Variants in ATP8B1 observed in about 807,000 individuals in gnomAD.
The protein encoded by ATP8B1 is ATPase phospholipid transporting 8B1.
In ATP8B1, 80 loss-of-function variants were observed where a neutral mutation model predicts 149.9. The ratio of observed to expected loss-of-function variants is 0.53; its 90% confidence interval spans 0.45 to 0.64. The LOEUF (loss-of-function observed/expected upper bound fraction) is 0.64. ATP8B1 is among the 30% of genes least tolerant of loss of function. The probability of loss-of-function intolerance (pLI) is 0.00; values close to 1 mark genes in which losing one functional copy is unlikely to be tolerated. For missense variants in ATP8B1, 1,247 were observed against 1,552.6 expected, an observed-to-expected ratio of 0.80 and a Z score of 3.31; for synonymous variants, 536 against 562.8, an observed-to-expected ratio of 0.95 and a Z score of 0.67.
At position 57,650,397 on chromosome 18, in the gene ATP8B1, T is replaced by G; in HGVS notation, c.3501A>C (p.Ser1167=). The part of the protein sequence containing the change: ...LLPVVAIRFL[S]MTIWPSESDK... Reference sequence around the variant, plus strand: ...CACTTTCTGATGGCCAGATGGTCATTGACAGGAATCGAATGGCAACGACGG... The same window carrying G: ...CACTTTCTGATGGCCAGATGGTCATGGACAGGAATCGAATGGCAACGACGG... Residue 1167 remains serine, a synonymous_variant, in exon 27 of 28, where the codon TCA becomes TCC. Coordinates refer to ENST00000648908, the MANE Select transcript of ATP8B1 (RefSeq NM_001374385.1). 6.2e-7 allele frequency: 1 copy of G among 1,613,896 alleles called. No homozygotes were observed. The highest frequency in any genetic ancestry group is 8.5e-7 in the Non-Finnish European group (1 of 1,179,860).
In ATP8B1 at chr18:57,668,554, T is replaced by TTAA; in HGVS notation, c.2098-15_2098-14insTTA. ...AGCTCCCAGGAGCTAGAATGTATAT[T>TTAA]AAAAAAAAAAAAAAAAGGAATTAGC... is the stretch of plus-strand genomic sequence containing the variant. On this transcript the variant is annotated splice_polypyrimidine_tract_variant and intron_variant, in intron 18 of 27. Transcript: ENST00000648908. 6.2e-6 allele frequency: 4 copies of TTAA among 643,504 alleles called. No individual in the cohort carries two copies. Among genetic ancestry groups the TTAA allele is most frequent in the South Asian group, 2.3e-5 (1 of 43,892 alleles). 39.9% of individuals were successfully genotyped at this position (643,504 alleles called of 1,614,324 possible).
chr18:57,727,787 A>G (rs900230852), intron 2 of ATP8B1, among the ~76,000 whole-genome samples: 4 of 152,168 alleles, frequency 2.6e-5, no homozygotes, highest in Admixed American at 2.6e-4. Flanking sequence ...ACTCCATCTC[A>G]AAACAAAAAC....
At chr18:57,697,052 G>C (rs566500676) in intron 8 of ATP8B1, among the ~76,000 whole-genome samples, 9 of 152,132 alleles carry the variant, frequency 5.9e-5, no homozygotes, top group Non-Finnish European at 1.3e-4. Context: ...CTTGAGATCA[G>C]GAGTTCGAGA....
chr18:57,738,487 T>A (rs559279827), intron 1 of ATP8B1, among the ~76,000 whole-genome samples: 1 of 152,202 alleles, frequency 6.6e-6, no homozygotes, highest in South Asian at 2.1e-4. Context: ...TAGCTGGGCA[T>A]GGTGGCACAT....
intron 15 of ATP8B1, among the ~76,000 whole-genome samples, chr18:57,682,739 T>G (rs1053337607): frequency 1.3e-5 from 2 of 152,180 alleles, no homozygotes; most frequent in Admixed American, 1.3e-4. Context: ...TAATCTGAAC[T>G]CTGTTACCTT....
intron 12 of ATP8B1, among the ~76,000 whole-genome samples, chr18:57,688,825 T>C (rs1912387899): frequency 6.6e-6 from 1 of 152,164 alleles, no homozygotes. Context: ...CGGCTGTGCC[T>C]ATAAAGCAGA....
At chr18:57,656,573 C>G (rs1050107197) in intron 22 of ATP8B1, among the ~76,000 whole-genome samples, 2 of 151,872 alleles carry the variant, frequency 1.3e-5, no homozygotes, top group Non-Finnish European at 2.9e-5. Context: ...GACGGGGTTT[C>G]ACCATGTTGT....
intron 8 of ATP8B1, among the ~76,000 whole-genome samples, chr18:57,696,545 G>A (rs1481693516): frequency 4.1e-4 from 10 of 24,290 alleles, no homozygotes; most frequent in South Asian, 3.8e-3. Context: ...ATTTTTTTCC[G>A]CCAAAAAAAA....
intron 4 of ATP8B1, among the ~76,000 whole-genome samples, chr18:57,702,292 C>T (rs1913167134): frequency 6.6e-6 from 1 of 152,218 alleles, no homozygotes; most frequent in African/African-American, 2.4e-5. Flanking sequence ...TCATAACCAT[C>T]CTCCTGATCA....
chr18:57,730,083 A>G (rs1390242918), intron 2 of ATP8B1, among the ~76,000 whole-genome samples: 1 of 152,174 alleles, frequency 6.6e-6, no homozygotes, highest in Non-Finnish European at 1.5e-5. Context: ...TGCACTCCCC[A>G]CACTGAGAAT....
At chr18:57,766,475 G>T (rs186221954) in intron 1 of ATP8B1, among the ~76,000 whole-genome samples, 4 of 152,292 alleles carry the variant, frequency 2.6e-5, no homozygotes, top group Admixed American at 2.6e-4. Context: ...ATCTAGCCAG[G>T]CAGTGTGCTA....
In ATP8B1 at chr18:57,671,564, G is replaced by A. The variant is rs1334562171; in HGVS notation, c.1836C>T (p.Gly612=). The change falls in exon 17 of 28, where the codon GGC becomes GGT. Residue 612 remains glycine (G), a synonymous_variant. Transcript: ENST00000648908. The part of the protein sequence containing the change: ...RMSIIVRTPE[G]NIKLYCKGAD... Reference sequence around the variant, plus strand: ...CACCTTTACAGTAAAGCTTGATATTGCCTTCTGGGGTTCTTACTGGTAGTA... The same window carrying A: ...CACCTTTACAGTAAAGCTTGATATTACCTTCTGGGGTTCTTACTGGTAGTA... 6.2e-7 allele frequency: 1 copy of A among 1,612,780 alleles called. No homozygotes were observed. Among genetic ancestry groups the A allele is most frequent in the Admixed American group, 1.7e-5 (1 of 59,974 alleles).
chr18:57,708,707 T>A (rs1913543830), intron 2 of ATP8B1: 1 of 152,186 alleles, frequency 6.6e-6, no homozygotes, highest in South Asian at 2.1e-4. Context: ...AAAAAGTCAA[T>A]TTTAGAAATA....
intron 1 of ATP8B1, among the ~76,000 whole-genome samples, chr18:57,752,220 AATAATG>A (rs1455604030): frequency 0.013 from 1,788 of 139,738 alleles, 16 homozygotes; most frequent in African/African-American, 0.025. Flanking sequence ...TAATAATAAT[AATAATG>A]ATAATAATAA....
chr18:57,775,277 T>C (rs2080296909), intron 1 of ATP8B1, among the ~76,000 whole-genome samples: 1 of 151,736 alleles, frequency 6.6e-6, no homozygotes, highest in South Asian at 2.1e-4. Context: ...GATCATGTCA[T>C]TGCAGTCCAG....
chr18:57,792,260 A>AT (rs1220741266), intron 1 of ATP8B1, among the ~76,000 whole-genome samples: 3 of 152,216 alleles, frequency 2.0e-5, no homozygotes, highest in African/African-American at 7.2e-5. Flanking sequence ...ATATAAAGAA[A>AT]TTAAGTATTG....
At chr18:57,729,553 T>TC (rs2079740268) in intron 2 of ATP8B1, among the ~76,000 whole-genome samples, 1 of 22,070 alleles carries the variant, frequency 4.5e-5, no homozygotes, top group South Asian at 1.3e-3. Flanking sequence ...TTCTTTCTTT[T>TC]TTTTTTTTTT....
At chr18:57,752,084 G>A (rs1033632563) in intron 1 of ATP8B1, among the ~76,000 whole-genome samples, 4 of 151,888 alleles carry the variant, frequency 2.6e-5, no homozygotes, top group Non-Finnish European at 5.9e-5. Flanking sequence ...GTGCGTGCCT[G>A]TGGTCCCAGC....
At position 57,685,387 on chromosome 18, in the gene ATP8B1, A is replaced by G. The variant is rs115311524; in HGVS notation, c.1430-272T>C. ...CCTCTCCCAAGTCAGAAGGACTCACATATGTGAGCCACGTCCTCAGCCCCT... is the reference window on the plus strand; with the variant it reads ...CCTCTCCCAAGTCAGAAGGACTCACGTATGTGAGCCACGTCCTCAGCCCCT... On this transcript the variant is annotated intron_variant, in intron 13 of 27. Coordinates refer to ENST00000648908, the MANE Select transcript of ATP8B1 (RefSeq NM_001374385.1). Among the ~76,000 whole-genome samples the G allele has an allele frequency of 8.1e-3, 1,232 of 152,202 alleles. 32 individuals are homozygous for G. Among genetic ancestry groups the G allele is most frequent in the African/African-American group, 0.028 (1,181 of 41,530 alleles).
Sources: gnomAD v4.1 joint callset for allele counts (sites outside exome capture counted in the v4.1 genomes callset) on GRCh38, gnomAD v4.1.1 for gene constraint, MANE v1.5 for transcripts, NCBI Gene and HGNC (gene_info 2026-07-23, HGNC 2026-07-21) for gene names.